The following TMEM25 variants were observed in gnomAD, a reference collection of about 807,000 sequenced individuals.
TMEM25 encodes the protein transmembrane protein 25.
TMEM25 carries 36 observed loss-of-function variants against 37.0 expected under a neutral mutation model. The observed-to-expected ratio is 0.97, with a 90% CI of 0.75 to 1.28. The LOEUF (loss-of-function observed/expected upper bound fraction) is 1.28. Among genes scored for constraint, TMEM25 ranks in the 50% most tolerant of loss-of-function variants. The pLI is 0.00. For missense variants in TMEM25, 444 were observed against 477.9 expected (o/e 0.93, Z 0.66); for synonymous variants, 197 against 203.7 (o/e 0.97, Z 0.28).
rs1385232856 is a variant in TMEM25 at position 118,535,642 on chromosome 11, AAAG to A, written c.*1066_*1068del. 3 of 1,522,200 alleles carry A rather than the reference AAAG, an allele frequency of 2.0e-6. No homozygotes were observed. The highest frequency in any genetic ancestry group is 4.9e-5 in the East Asian group (2 of 40,480). 94.3% of individuals were successfully genotyped at this position (1,522,200 alleles called of 1,614,324 possible). ...GTGGAAGCTTTAGGGGAACATGGAG[AAAG>A]AAGGAGACCACATACCCCAAAGTGA... is the stretch of plus-strand genomic sequence containing the variant. On this transcript the variant is annotated 3_prime_UTR_variant, in exon 9 of 9. Coordinates refer to ENST00000313236, the MANE Select transcript of TMEM25 (RefSeq NM_032780.4).
At chr11:118,539,315 G>A (rs1431984649), downstream of TMEM25, among the ~76,000 whole-genome samples, 4 of 151,612 alleles carry the variant, frequency 2.6e-5, no homozygotes, top group African/African-American at 9.7e-5. Context: ...CTACAGGTGC[G>A]TGCCACCACA....
intron 8 of TMEM25, among the ~76,000 whole-genome samples, chr11:118,542,385 AG>A (rs1951589551): frequency 6.6e-6 from 1 of 152,212 alleles, no homozygotes; most frequent in South Asian, 2.1e-4. Context: ...CACCTCTTAA[AG>A]GCCCCACTTC....
chr11:118,536,202 T>C (rs1951507631), downstream of TMEM25, among the ~76,000 whole-genome samples: 1 of 150,918 alleles, frequency 6.6e-6, no homozygotes, highest in Non-Finnish European at 1.5e-5. Context: ...TCTTTTCTTT[T>C]TTTTTTTTGA....
intron 8 of TMEM25, chr11:118,545,746 G>A: frequency 6.4e-7 from 1 of 1,567,634 alleles, no homozygotes; most frequent in South Asian, 1.1e-5. Flanking sequence ...AAAGCCTAGA[G>A]TGTCTCTATC....
intron 8 of TMEM25, among the ~76,000 whole-genome samples, chr11:118,542,096 G>T (rs1384185054): frequency 6.6e-6 from 1 of 152,144 alleles, no homozygotes; most frequent in East Asian, 1.9e-4. Context: ...GCACTGTTTG[G>T]TTTTTTGTTC....
intron 8 of TMEM25, chr11:118,544,946 A>C (rs1565342007): frequency 6.2e-7 from 1 of 1,613,828 alleles, no homozygotes; most frequent in Non-Finnish European, 8.5e-7. Flanking sequence ...CCATGTCTCC[A>C]GCTTGGGAGG....
In TMEM25 at chr11:118,535,331, C is replaced by T. The variant is rs1591346059; in HGVS notation, c.*751C>T. ...GAGGCAGGCGATGAGTCTAGTAGCACCCAGGACGGCTTGTAGCTATGCATC... is the reference window on the plus strand; with the variant it reads ...GAGGCAGGCGATGAGTCTAGTAGCATCCAGGACGGCTTGTAGCTATGCATC... On this transcript the variant is annotated 3_prime_UTR_variant, in exon 9 of 9. Transcript: ENST00000313236. 1 of 1,379,222 alleles carries T rather than the reference C, an allele frequency of 7.3e-7. No homozygotes were observed. Among genetic ancestry groups the T allele is most frequent in the Middle Eastern group, 2.7e-4 (1 of 3,712 alleles). The allele number at this position is 1,379,222 out of a possible 1,614,324, so 85.4% of individuals were successfully genotyped here. A position where few individuals can be genotyped will look rare whatever the true frequency, so the allele number is the denominator to read the frequency against.
chr11:118,533,508 C>A lies in TMEM25; in HGVS notation c.762C>A (p.Thr254=). 1 of 1,614,178 alleles carries A rather than the reference C, an allele frequency of 6.2e-7. No individual in the cohort carries two copies. The highest frequency in any genetic ancestry group is 8.5e-7 in the Non-Finnish European group (1 of 1,180,006). The stretch of plus-strand genomic sequence containing the variant: ...TGGGCACCCTCGTGGGGTTCAGCAC[C>A]TTGGTGGCCTGCCTGGTCTGCAGAA... The part of the protein sequence containing the change: ...LALGTLVGFS[T]LVACLVCRKE... The change falls in exon 5 of 9, where the codon ACC becomes ACA. Residue 254 remains threonine, a synonymous_variant. Coordinates refer to ENST00000313236, the MANE Select transcript of TMEM25 (RefSeq NM_032780.4).
intron 2 of TMEM25, 119 bp downstream of exon 2, chr11:118,531,990 C>A: frequency 7.2e-7 from 1 of 1,381,520 alleles, no homozygotes; most frequent in Non-Finnish European, 9.8e-7. Context: ...TCCCTGTCCC[C>A]TTCACCCACC....
chr11:118,531,382 G>T, intron 1 of TMEM25, 148 bp downstream of exon 1: 1 of 354,900 alleles, frequency 2.8e-6, no homozygotes, highest in Non-Finnish European at 5.2e-6. Flanking sequence ...CAGGGCAGGA[G>T]AGAGGATGGG....
In TMEM25 at chr11:118,533,042, G is replaced by A; in HGVS notation, c.508G>A (p.Gly170Arg). 6.2e-7 allele frequency: 1 copy of A among 1,614,234 alleles called. No individual in the cohort carries two copies. The highest frequency in any genetic ancestry group is 8.5e-7 in the Non-Finnish European group (1 of 1,180,048). ...CAATGTCACCTGGATCGACCAGGAT[G>A]GGCCAGTGACTGTCAACACCTCTGA... is the stretch of plus-strand genomic sequence containing the variant. Reference protein sequence around the residue: ...PANVTWIDQDGPVTVNTSDFL... With the variant: ...PANVTWIDQDRPVTVNTSDFL... The change falls in exon 4 of 9, where the codon GGG becomes AGG. Residue 170 changes from glycine (G) to arginine (R), a missense_variant. Physicochemically the swap from Gly to Arg is moderately radical, Grantham distance 125. Coordinates refer to ENST00000313236, the MANE Select transcript of TMEM25 (RefSeq NM_032780.4).
chr11:118,539,335 T>G (rs782490299), downstream of TMEM25, among the ~76,000 whole-genome samples: 16 of 151,870 alleles, frequency 1.1e-4, no homozygotes, highest in Admixed American at 2.0e-4. Flanking sequence ...ACCCAGCTAA[T>G]TTTTGTATTT....
intron 5 of TMEM25, 138 bp downstream of exon 5, chr11:118,533,689 T>G: frequency 6.4e-7 from 1 of 1,569,998 alleles, no homozygotes; most frequent in East Asian, 2.2e-5. Flanking sequence ...TACGGTGACA[T>G]GCATCCCAGG....
In TMEM25 at chr11:118,534,836, A is replaced by C. The variant is rs1951464200; in HGVS notation, c.*256A>C. On this transcript the variant is annotated 3_prime_UTR_variant, in exon 9 of 9. Coordinates refer to ENST00000313236, the MANE Select transcript of TMEM25 (RefSeq NM_032780.4). This position sits in a 1 kb window ranked among gnomAD's most constrained non-coding sequence, Gnocchi z 4.6. ...CATGCTGACTCAGGGTGGGCCCTGCATGTGATGACTGGGCCCTTCCAGAGG... is the reference window on the plus strand; with the variant it reads ...CATGCTGACTCAGGGTGGGCCCTGCCTGTGATGACTGGGCCCTTCCAGAGG... 5 of 1,350,382 alleles carry C rather than the reference A, an allele frequency of 3.7e-6. No homozygotes were observed. The highest frequency in any genetic ancestry group is 3.8e-6 in the Non-Finnish European group (4 of 1,047,898). The allele number at this position is 1,350,382 out of a possible 1,614,324, so 83.6% of individuals were successfully genotyped here.
Position 118,531,870 on chromosome 11 carries a change from A to G in TMEM25, c.69A>G (p.Ser23=). 1 of 1,551,650 alleles carries G rather than the reference A, an allele frequency of 6.4e-7. No individual in the cohort carries two copies. The highest frequency in any genetic ancestry group is 8.7e-7 in the Non-Finnish European group (1 of 1,147,014). Residue 23 remains serine (S), a splice_region_variant and synonymous_variant, in exon 2 of 9, where the codon TCA becomes TCG. Transcript: ENST00000313236. ...TGCTCCTGCCAGCCCTTCTGAGCTC[A>G]GGTACACCCCTGTTCAGTCGTTGAC... ...TLLLLPALLS[S]GWGELEPQID... is the part of the protein sequence containing the mutation.
At chr11:118,545,012 C>T in intron 8 of TMEM25, 1 of 1,604,892 alleles carries the variant, frequency 6.2e-7, no homozygotes, top group Non-Finnish European at 8.5e-7. Context: ...CTTTAAAATG[C>T]TGCAAGGAAG....
At chr11:118,533,604 C>T (rs1555061094) in intron 5 of TMEM25, 53 bp downstream of exon 5, 1 of 1,611,408 alleles carries the variant, frequency 6.2e-7, no homozygotes, top group Admixed American at 1.7e-5. Context: ...GAGCAGCAGC[C>T]AAGACAGCAA....
chr11:118,535,184 T>G lies in TMEM25; in HGVS notation c.*604T>G. ...TCTCTGCCCTTCACTTCTTCTCTTC[T>G]GTCCCCACCTCCTCTTGGGAATTCT... On this transcript the variant is annotated 3_prime_UTR_variant, in exon 9 of 9. Transcript: ENST00000313236. 1 of 1,066,446 alleles carries G rather than the reference T, an allele frequency of 9.4e-7. No homozygotes were observed. The highest frequency in any genetic ancestry group is 1.1e-6 in the Non-Finnish European group (1 of 882,478). The allele number at this position is 1,066,446 out of a possible 1,614,324, so 66.1% of individuals were successfully genotyped here.
chr11:118,532,027 T>C (rs1187351590), intron 2 of TMEM25, 123 bp from the exon 3 acceptor site: 6 of 1,361,834 alleles, frequency 4.4e-6, no homozygotes, highest in Non-Finnish European at 5.9e-6. Flanking sequence ...AGCCAGTCCC[T>C]GGTGAGAGGA....
Sources: allele counts gnomAD v4.1 joint callset (sites outside exome capture counted in the v4.1 genomes callset), GRCh38; gene constraint gnomAD v4.1.1; non-coding constraint Gnocchi (gnomAD v3.1); transcripts MANE v1.5; gene names NCBI Gene and HGNC (gene_info 2026-07-23, HGNC 2026-07-21).